The following SREBF2 variants were observed in gnomAD, a reference collection of about 807,000 sequenced individuals.
SREBF2 encodes the protein sterol regulatory element-binding protein 2.
Under a neutral mutation model 113.1 loss-of-function variants are expected in SREBF2, and 55 were observed. The ratio of observed to expected loss-of-function variants is 0.49; its 90% CI spans 0.39 to 0.61. SREBF2 has a LOEUF of 0.61. SREBF2 is among the 20% of genes least tolerant of loss of function. SREBF2 has a pLI of 0.00. For missense variants in SREBF2, 1,349 were observed against 1,487.4 expected, an observed-to-expected ratio of 0.91 and a Z score of 1.53; for synonymous variants, 593 against 605.7, an observed-to-expected ratio of 0.98 and a Z score of 0.31.
chr22:41,865,355 A>G (rs958535840), intron 1 of SREBF2, among the ~76,000 whole-genome samples: 1 of 152,176 alleles, frequency 6.6e-6, no homozygotes, highest in South Asian at 2.1e-4. Flanking sequence ...CTTCTTGGGA[A>G]CGTATTGGAG....
intron 1 of SREBF2, among the ~76,000 whole-genome samples, chr22:41,835,660 G>A (rs1383214739): frequency 7.0e-6 from 1 of 142,904 alleles, no homozygotes; most frequent in Non-Finnish European, 1.5e-5. Flanking sequence ...GACAGTGTCT[G>A]GCTGTTGCCC....
chr22:41,886,891 A>G (rs1307077001), intron 11 of SREBF2, among the ~76,000 whole-genome samples: 3 of 152,168 alleles, frequency 2.0e-5, no homozygotes, highest in Non-Finnish European at 4.4e-5. Flanking sequence ...AAAATTAGCC[A>G]GGCGTGGTGG....
At position 41,885,178 on chromosome 22, in the gene SREBF2, C is replaced by G. The variant is rs528013097; in HGVS notation, c.2208+167C>G. 1.3e-5 allele frequency among the ~76,000 whole-genome samples: 2 copies of G among 152,164 alleles called. 1 individual carries two copies. The highest frequency in any genetic ancestry group is 4.1e-4 in the South Asian group (2 of 4,832). On this transcript the variant is annotated intron_variant, in intron 11 of 18. Transcript: ENST00000361204. The stretch of plus-strand genomic sequence containing the variant: ...TCATTTCACCAGGACTCCCAGCAAC[C>G]GATAAAACAGACCAAAATTCCTCCC...
chr22:41,905,392 C>T (rs969100511), intron 18 of SREBF2, 48 bp from the exon 19 acceptor site: 43 of 1,522,628 alleles, frequency 2.8e-5, no homozygotes, highest in African/African-American at 4.1e-5. Context: ...GGAACTGCAC[C>T]AACTTCATGG....
intron 11 of SREBF2, among the ~76,000 whole-genome samples, chr22:41,889,946 C>T (rs550130466): frequency 6.6e-6 from 1 of 151,918 alleles, no homozygotes; most frequent in African/African-American, 2.4e-5. Flanking sequence ...TGCCGTGAGC[C>T]GAGATTGTGC....
chr22:41,903,110 C>T lies in SREBF2; in HGVS notation c.3048C>T (p.Gly1016=), dbSNP rs1602353050. 2 of 1,565,598 alleles carry T rather than the reference C, an allele frequency of 1.3e-6. No individual in the cohort carries two copies. Among genetic ancestry groups the T allele is most frequent in the Non-Finnish European group, 1.7e-6 (2 of 1,155,132 alleles). Residue 1016 remains glycine (G), a synonymous_variant, in exon 17 of 19, where the codon GGC becomes GGT. Transcript: ENST00000361204. ...AELAGFQRDL[G]SLRRLAHSFR... The stretch of plus-strand genomic sequence containing the variant: ...TGGCGGGCTTCCAACGGGACCTGGG[C>T]AGCCTGCGCAGGCTGGCACACAGCT...
At chr22:41,892,388 G>A (rs1027577064) in intron 11 of SREBF2, among the ~76,000 whole-genome samples, 18 of 152,058 alleles carry the variant, frequency 1.2e-4, no homozygotes, top group Non-Finnish European at 7.4e-5. Flanking sequence ...GGTGGCTCAC[G>A]CCTGTAATCC....
At chr22:41,866,454 G>A (rs955213907) in intron 1 of SREBF2, among the ~76,000 whole-genome samples, 3 of 152,220 alleles carry the variant, frequency 2.0e-5, no homozygotes, top group African/African-American at 7.2e-5. Flanking sequence ...GGAGGCTGAG[G>A]CGGGAGAATC....
intron 16 of SREBF2, among the ~76,000 whole-genome samples, chr22:41,902,650 A>G (rs1450076543): frequency 6.6e-6 from 1 of 152,136 alleles, no homozygotes; most frequent in African/African-American, 2.4e-5. Context: ...CTGCGCCTTC[A>G]ACCCACAAGG....
At chr22:41,899,494 G>C (rs1461975036) in intron 15 of SREBF2, 2 of 993,426 alleles carry the variant, frequency 2.0e-6, no homozygotes, top group Admixed American at 5.4e-5. Context: ...TTAGAGCCAA[G>C]GCTGTAGCAT....
chr22:41,899,343 A>G, intron 15 of SREBF2: 2 of 1,017,018 alleles, frequency 2.0e-6, no homozygotes, highest in Non-Finnish European at 2.4e-6. Context: ...TTGGAGATTC[A>G]TGTCTGCGTC....
chr22:41,902,931 C>G, intron 16 of SREBF2, 39 bp from the exon 17 acceptor site: 1 of 1,586,420 alleles, frequency 6.3e-7, no homozygotes. Context: ...AGGGATGGGC[C>G]AGTCACCTGT....
intron 1 of SREBF2, among the ~76,000 whole-genome samples, chr22:41,850,932 G>T (rs1389962231): frequency 1.3e-5 from 2 of 152,006 alleles, no homozygotes; most frequent in Non-Finnish European, 2.9e-5. Flanking sequence ...GTAGAGATGG[G>T]GTTTCACCAT....
intron 1 of SREBF2, 106 bp from the exon 2 acceptor site, chr22:41,866,725 A>G (rs1029769116): frequency 1.5e-6 from 2 of 1,341,690 alleles, no homozygotes; most frequent in African/African-American, 1.4e-5. Context: ...CATTTCTGCC[A>G]TGGTCTTAGG....
rs756167054 is a variant in SREBF2, at chr22:41,894,938, G to GTA, written c.2495+2_2495+3dup. On this transcript the variant is annotated splice_donor_variant, in intron 13 of 18. Coordinates refer to ENST00000361204, the MANE Select transcript of SREBF2 (RefSeq NM_004599.4). LOFTEE classifies it high-confidence loss of function. The stretch of plus-strand genomic sequence containing the variant: ...CTGGAGACCAGGAAGAAGAGAGCTG[G>GTA]TAAAGTCCCCAGACCAGTCCCCCTG... 4.3e-6 allele frequency: 7 copies of GTA among 1,613,196 alleles called. No homozygotes were observed. The African/African-American group carries it at 9.3e-5, about 22-fold the overall frequency.
chr22:41,883,273 G>A (rs1031969759), intron 10 of SREBF2, among the ~76,000 whole-genome samples: 1 of 152,172 alleles, frequency 6.6e-6, no homozygotes, highest in Non-Finnish European at 1.5e-5. Context: ...TGTGGTAACT[G>A]GAAGGTGTTA....
At chr22:41,880,397 C>CA (rs58272168) in intron 9 of SREBF2, among the ~76,000 whole-genome samples, 40,521 of 87,676 alleles carry the variant, frequency 0.46, 6,947 homozygotes, top group Admixed American at 0.55. Flanking sequence ...ACTAAAAATA[C>CA]AAAAAAAAAA....
At chr22:41,887,581 CATATTT>C (rs1298495580) in intron 11 of SREBF2, among the ~76,000 whole-genome samples, 4 of 152,196 alleles carry the variant, frequency 2.6e-5, no homozygotes, top group Non-Finnish European at 5.9e-5. Flanking sequence ...TGTTCGTTCT[CATATTT>C]ATAGTGTTCC....
chr22:41,901,395 T>C (rs2077464552), intron 16 of SREBF2, among the ~76,000 whole-genome samples: 1 of 152,172 alleles, frequency 6.6e-6, no homozygotes, highest in South Asian at 2.1e-4. Context: ...ACGCGGTGGC[T>C]CACACCTGTA....
Sources: gnomAD v4.1 joint callset for allele counts (sites outside exome capture counted in the v4.1 genomes callset) on GRCh38, gnomAD v4.1.1 for gene constraint, MANE v1.5 for transcripts, NCBI Gene and HGNC (gene_info 2026-07-23, HGNC 2026-07-21) for gene names.